Variants in ZNF774 observed in about 807,000 individuals in gnomAD.
ZNF774 encodes zinc finger protein 774.
In ZNF774, 14 loss-of-function variants were observed where a neutral mutation model predicts 11.1. That is an observed-to-expected ratio of 1.26 (90% confidence interval 0.83 to 1.97). The LOEUF (loss-of-function observed/expected upper bound fraction) is 1.97, where lower values mean the gene tolerates loss of function less well. ZNF774 is among the 30% of genes most tolerant of loss of function. ZNF774 has a pLI of 0.00. For synonymous variants in ZNF774, 195 were observed against 212.6 expected, an observed-to-expected ratio of 0.92 and a Z score of 0.72; for missense variants, 599 against 587.0, an observed-to-expected ratio of 1.02 and a Z score of -0.21.
At chr15:90,357,451 T>C (rs1412168624) in intron 2 of ZNF774, among the ~76,000 whole-genome samples, 1 of 152,176 alleles carries the variant, frequency 6.6e-6, no homozygotes, top group Admixed American at 6.5e-5. Flanking sequence ...TGCAGTTAAC[T>C]GTGATTGTAC....
chr15:90,358,801 C>A, intron 2 of ZNF774, 50 bp from the exon 3 acceptor site: 1 of 1,528,188 alleles, frequency 6.5e-7, no homozygotes, highest in Non-Finnish European at 9.0e-7. Flanking sequence ...TTTGCTCAGG[C>A]CTTGTGTGAT....
intron 2 of ZNF774, 110 bp downstream of exon 2, chr15:90,354,874 A>G (rs1293658028): frequency 1.1e-6 from 1 of 876,498 alleles, no homozygotes; most frequent in Non-Finnish European, 1.8e-6. Flanking sequence ...GATTCACTGC[A>G]ATCTGTGCCT....
chr15:90,353,934 T>C (rs536791322), intron 1 of ZNF774, among the ~76,000 whole-genome samples: 4 of 152,310 alleles, frequency 2.6e-5, no homozygotes, highest in East Asian at 3.9e-4. Context: ...CTCTTGACTA[T>C]CCTCCAAAAA....
At chr15:90,359,674 C>T (rs750749924) in intron 3 of ZNF774, among the ~76,000 whole-genome samples, 1 of 151,996 alleles carries the variant, frequency 6.6e-6, no homozygotes, top group African/African-American at 2.4e-5. Context: ...AGGTTGGTCT[C>T]GAACTCCCAA....
chr15:90,359,877 G>A (rs1055125356), intron 3 of ZNF774, among the ~76,000 whole-genome samples, 166 bp from the exon 4 acceptor site: 5 of 152,204 alleles, frequency 3.3e-5, no homozygotes, highest in African/African-American at 9.7e-5. Context: ...CACGTGTTCT[G>A]ACAGCTCAAT....
Position 90,360,183 on chromosome 15 carries a change from G to A in ZNF774, c.352G>A (p.Glu118Lys), listed in dbSNP as rs762123452. The A allele has an allele frequency of 1.9e-6, 3 of 1,614,170 alleles. No individual in the cohort carries two copies. The East Asian group carries it at 6.7e-5, about 36-fold the overall frequency. ...GGNWEQGLEL[E>K]GQHGTLPGEG... ...AAACTGGGAGCAAGGCCTAGAATTA[G>A]AAGGGCAACATGGAACCCTTCCAGG... The change falls in exon 4 of 4, where the codon GAA becomes AAA. Residue 118 changes from glutamate to lysine, a missense_variant. Coordinates refer to ENST00000354377, the MANE Select transcript of ZNF774 (RefSeq NM_001004309.3).
chr15:90,352,714 G>GCC (rs2151679916), intron 1 of ZNF774, among the ~76,000 whole-genome samples: 1 of 152,072 alleles, frequency 6.6e-6, no homozygotes, highest in South Asian at 2.1e-4. Flanking sequence ...ACGGGGTTCG[G>GCC]CCCCACGCGT....
At position 90,360,629 on chromosome 15, in the gene ZNF774, G is replaced by A; in HGVS notation, c.798G>A (p.Leu266=). Residue 266 remains leucine (L), a synonymous_variant, in exon 4 of 4, where the codon CTG becomes CTA. Transcript: ENST00000354377. ...THTGEKPYAC[L]ECHKSFSRSS... ...CAGGCGAGAAGCCCTACGCGTGCCTGGAATGTCACAAAAGCTTCAGTCGAA... is the reference window on the plus strand; with the variant it reads ...CAGGCGAGAAGCCCTACGCGTGCCTAGAATGTCACAAAAGCTTCAGTCGAA... The A allele has an allele frequency of 6.2e-7, 1 of 1,614,154 alleles. No homozygotes were observed. Among genetic ancestry groups the A allele is most frequent in the South Asian group, 1.1e-5 (1 of 91,074 alleles).
At chr15:90,355,538 C>T (rs1185191578) in intron 2 of ZNF774, 2 of 419,320 alleles carry the variant, frequency 4.8e-6, no homozygotes, top group Non-Finnish European at 9.5e-6. Flanking sequence ...GCCTGGCCAA[C>T]ATGATGAAAC....
chr15:90,361,551 C>G lies in ZNF774; in HGVS notation c.*268C>G. The G allele has an allele frequency of 8.7e-7, 1 of 1,150,138 alleles. No homozygotes were observed. Among genetic ancestry groups the G allele is most frequent in the East Asian group, 4.7e-5 (1 of 21,186 alleles). The allele number at this position is 1,150,138 out of a possible 1,614,324, so 71.2% of individuals were successfully genotyped here. On this transcript the variant is annotated 3_prime_UTR_variant, in exon 4 of 4. Transcript: ENST00000354377. ...TGCCCGCCAGGCGTGGTGGCTCACCCCTGTAATCCCAGCACTTTTGGGAGG... is the reference window on the plus strand; with the variant it reads ...TGCCCGCCAGGCGTGGTGGCTCACCGCTGTAATCCCAGCACTTTTGGGAGG...
Position 90,360,069 on chromosome 15 carries a change from A to C in ZNF774, c.238A>C (p.Asn80His), listed in dbSNP as rs879875210. The C allele has an allele frequency of 8.1e-6, 13 of 1,611,806 alleles. No homozygotes were observed. Among genetic ancestry groups the C allele is most frequent in the African/African-American group, 1.3e-5 (1 of 74,824 alleles). The change falls in exon 4 of 4, where the codon AAT becomes CAT. Residue 80 changes from asparagine (N) to histidine (H), a missense_variant. Physicochemically the swap from Asn to His is moderately conservative, Grantham distance 68. Coordinates refer to ENST00000354377, the MANE Select transcript of ZNF774 (RefSeq NM_001004309.3). ...TDCEHQVAKLNQDNSETAEQC... is the reference protein window; with the variant it reads ...TDCEHQVAKLHQDNSETAEQC... ...CTGTGAGCATCAGGTGGCAAAGCTC[A>C]ATCAGGACAATTCTGAAACAGCAGA...
Position 90,352,335 on chromosome 15 carries a change from C to T in ZNF774, c.-96C>T, listed in dbSNP as rs74038624. On this transcript the variant is annotated 5_prime_UTR_variant, in exon 1 of 4. Transcript: ENST00000354377. ...CCGGTCGGGTTCTGGGAGGCACAGCCTCGGGGTTGCGGGCCGGGTGCGGCT... is the reference window on the plus strand; with the variant it reads ...CCGGTCGGGTTCTGGGAGGCACAGCTTCGGGGTTGCGGGCCGGGTGCGGCT... 3 of 152,552 alleles carry T rather than the reference C, an allele frequency of 2.0e-5. No homozygotes were observed. Among genetic ancestry groups the T allele is most frequent in the African/African-American group, 4.8e-5 (2 of 41,474 alleles). The allele number at this position is 152,552 out of a possible 1,614,324, so 9.4% of individuals were successfully genotyped here.
chr15:90,357,818 A>T (rs1166097982), intron 2 of ZNF774, among the ~76,000 whole-genome samples: 1 of 151,930 alleles, frequency 6.6e-6, no homozygotes, highest in Non-Finnish European at 1.5e-5. Context: ...AAGTGATCCA[A>T]CTGCCTTGGT....
In ZNF774 at chr15:90,361,733, A is replaced by T. The variant is rs565756599; in HGVS notation, c.*450A>T. 6.2e-5 allele frequency: 10 copies of T among 162,284 alleles called. No homozygotes were observed. Among genetic ancestry groups the T allele is most frequent in the African/African-American group, 2.4e-4 (10 of 41,658 alleles). The allele number at this position is 162,284 out of a possible 1,614,324, so 10.1% of individuals were successfully genotyped here. A position where few individuals can be genotyped will look rare whatever the true frequency, so the allele number is the denominator to read the frequency against. ...AGGCCGAGGCAGAAGAATCATTTGAACTCAGAAGGTGCAGGTTGCAGTGAG... is the reference window on the plus strand; with the variant it reads ...AGGCCGAGGCAGAAGAATCATTTGATCTCAGAAGGTGCAGGTTGCAGTGAG... On this transcript the variant is annotated 3_prime_UTR_variant, in exon 4 of 4. Transcript: ENST00000354377.
At chr15:90,353,612 G>A (rs540553097) in intron 1 of ZNF774, among the ~76,000 whole-genome samples, 1 of 150,966 alleles carries the variant, frequency 6.6e-6, no homozygotes, top group African/African-American at 2.4e-5. Context: ...TTTTTTTAAG[G>A]GAGAGACAGG....
At position 90,357,169 on chromosome 15, in the gene ZNF774, G is replaced by A. The variant is rs554385123; in HGVS notation, c.105-1682G>A. ...ATTCCCACAAACATTATATGAAAGT[G>A]CGCATTTCTTTATATTCTACCTTTC... On this transcript the variant is annotated intron_variant, in intron 2 of 3. Transcript: ENST00000354377. Among the ~76,000 whole-genome samples the A allele has an allele frequency of 2.2e-4, 33 of 152,188 alleles. No homozygotes were observed. In the South Asian group the frequency reaches 5.8e-3, roughly 27 times the overall value.
chr15:90,358,912 CT>C lies in ZNF774; in HGVS notation c.167del (p.Leu56ProfsTer60). On this transcript the variant is annotated frameshift_variant, in exon 3 of 4. Coordinates refer to ENST00000354377, the MANE Select transcript of ZNF774 (RefSeq NM_001004309.3). LOFTEE classifies it low-confidence loss of function (END_TRUNC). ...EQKEEPWVLP[L>X]QNFEARKIPR... is the part of the protein sequence containing the mutation. ...GAAAGAAGAGCCATGGGTCCTACCA[CT>C]CCAAAACTTTGAGGCGAGGAAGATC... 3.1e-6 allele frequency: 5 copies of C among 1,613,900 alleles called. No individual in the cohort carries two copies. The highest frequency in any genetic ancestry group is 4.2e-6 in the Non-Finnish European group (5 of 1,179,860).
In ZNF774 at chr15:90,360,663, T is replaced by G; in HGVS notation, c.832T>G (p.Phe278Val). 1.2e-6 allele frequency: 2 copies of G among 1,613,872 alleles called. No individual in the cohort carries two copies. The highest frequency in any genetic ancestry group is 2.2e-5 in the South Asian group (2 of 91,054). ...CHKSFSRSSNFITHQRTHTGV... is the reference protein window; with the variant it reads ...CHKSFSRSSNVITHQRTHTGV... ...CAAAAGCTTCAGTCGAAGCTCAAAT[T>G]TCATCACTCACCAGAGGACCCACAC... Residue 278 changes from phenylalanine to valine, a missense_variant, in exon 4 of 4, where the codon TTC becomes GTC. Transcript: ENST00000354377.
rs1253471182 is a variant in ZNF774 at position 90,361,014 on chromosome 15, C to T, written c.1183C>T (p.Arg395Ter). The change falls in exon 4 of 4, where the codon CGA becomes TGA. Residue 395 changes from arginine (R) to a stop codon, truncating the protein, a stop_gained. Coordinates refer to ENST00000354377, the MANE Select transcript of ZNF774 (RefSeq NM_001004309.3). LOFTEE classifies it low-confidence loss of function (END_TRUNC). The stretch of plus-strand genomic sequence containing the variant: ...CAGCTCCGCCCTCATTAAGCACCAA[C>T]GAATCCACACCGGAGAAAGACCCTA... The part of the protein sequence containing the change: ...ADSSALIKHQ[R>*]IHTGERPYKC... 9.3e-6 allele frequency: 15 copies of T among 1,613,992 alleles called. No individual in the cohort carries two copies. In the South Asian group the frequency reaches 1.1e-4, roughly 12 times the overall value.
Sources: allele counts gnomAD v4.1 joint callset (sites outside exome capture counted in the v4.1 genomes callset), GRCh38; gene constraint gnomAD v4.1.1; transcripts MANE v1.5; gene names NCBI Gene and HGNC (gene_info 2026-07-23, HGNC 2026-07-21).